The following CRYBG1 variants were observed in gnomAD, a reference collection of about 807,000 sequenced individuals.
CRYBG1 encodes the protein crystallin beta-gamma domain containing 1, also known as beta/gamma crystallin domain-containing protein 1.
In CRYBG1, 139 loss-of-function variants were observed where a neutral mutation model predicts 189.2. That is an observed-to-expected ratio of 0.73 (90% CI 0.64 to 0.85). The LOEUF (loss-of-function observed/expected upper bound fraction) is 0.85, where lower values mean the gene tolerates loss of function less well. Ranked by LOEUF, CRYBG1 falls within the 40% of genes least tolerant of loss-of-function variation. CRYBG1 has a pLI of 0.00. For missense variants in CRYBG1, 2,611 were observed against 2,675.8 expected, an observed-to-expected ratio of 0.98 and a Z score of 0.53; for synonymous variants, 1,023 against 1,017.1, an observed-to-expected ratio of 1.01 and a Z score of -0.11.
chr6:106,425,683 G>A (rs149793310), intron 1 of CRYBG1, among the ~76,000 whole-genome samples: 1,820 of 152,270 alleles, frequency 0.012, 36 homozygotes, highest in African/African-American at 0.041. Flanking sequence ...TCAGGCTGGA[G>A]TGCAATGGCG....
chr6:106,427,343 T>A (rs1771245611), intron 1 of CRYBG1, among the ~76,000 whole-genome samples: 1 of 152,226 alleles, frequency 6.6e-6, no homozygotes. Flanking sequence ...ATTAATTCTC[T>A]CCCAAGACCT....
chr6:106,365,881 T>C (rs1041700096), intron 1 of CRYBG1, among the ~76,000 whole-genome samples: 5 of 152,076 alleles, frequency 3.3e-5, no homozygotes, highest in East Asian at 1.9e-4. Flanking sequence ...AGCATCCTCA[T>C]TGGGCAGGCA....
In CRYBG1 at chr6:106,407,726, A is replaced by G. The variant is rs1292688842; in HGVS notation, c.174-43968A>G. 2.0e-5 allele frequency among the ~76,000 whole-genome samples: 3 copies of G among 152,332 alleles called. No homozygotes were observed. In the East Asian group the frequency reaches 5.8e-4, roughly 29 times the overall value. Reference sequence around the variant, plus strand: ...AACTCAGGATTAAGAAACTCACTCTAAAAAACACAACTACATGGAACCTGA... The same window carrying G: ...AACTCAGGATTAAGAAACTCACTCTGAAAAACACAACTACATGGAACCTGA... On this transcript the variant is annotated intron_variant, in intron 1 of 21. Transcript: ENST00000633556.
Position 106,570,837 on chromosome 6 carries a change from A to G in CRYBG1, c.*2271A>G, listed in dbSNP as rs1775037798. On this transcript the variant is annotated 3_prime_UTR_variant, in exon 22 of 22. Coordinates refer to ENST00000633556, the MANE Select transcript of CRYBG1 (RefSeq NM_001371242.2). ...AAAGCCTACATCTAACATACATGCT[A>G]CCAAACGAGTGTCTAACAGGAATAA... 1 of 152,190 alleles carries G rather than the reference A, an allele frequency of 6.6e-6. No homozygotes were observed. Among genetic ancestry groups the G allele is most frequent in the African/African-American group, 2.4e-5 (1 of 41,460 alleles). 9.4% of individuals were successfully genotyped at this position (152,190 alleles called of 1,614,324 possible). A position where few individuals can be genotyped will look rare whatever the true frequency, so the allele number is the denominator to read the frequency against.
intron 2 of CRYBG1, among the ~76,000 whole-genome samples, chr6:106,473,210 A>G (rs979149040): frequency 5.9e-5 from 9 of 152,152 alleles, no homozygotes; most frequent in African/African-American, 1.7e-4. Flanking sequence ...TAAAACATAC[A>G]CAAAATAGAG....
At chr6:106,470,556 A>G (rs976639111) in intron 2 of CRYBG1, among the ~76,000 whole-genome samples, 1 of 152,120 alleles carries the variant, frequency 6.6e-6, no homozygotes, top group African/African-American at 2.4e-5. Context: ...TGGGTGACAG[A>G]GCAAGGCTTC....
intron 2 of CRYBG1, among the ~76,000 whole-genome samples, chr6:106,467,743 T>C (rs1772142840): frequency 6.6e-6 from 1 of 152,186 alleles, no homozygotes; most frequent in Non-Finnish European, 1.5e-5. Context: ...CATCAAAATT[T>C]ATTTGCCAGC....
chr6:106,516,265 A>G (rs1390169329), intron 3 of CRYBG1, among the ~76,000 whole-genome samples: 6 of 148,458 alleles, frequency 4.0e-5, no homozygotes. Flanking sequence ...ACAGAGTCTC[A>G]CTCTGTCGCC....
chr6:106,564,302 T>C (rs528455091), intron 21 of CRYBG1, among the ~76,000 whole-genome samples: 7 of 152,224 alleles, frequency 4.6e-5, no homozygotes, highest in Admixed American at 4.6e-4. Context: ...ATTATAATAG[T>C]GTTAGGCTAA....
intron 1 of CRYBG1, among the ~76,000 whole-genome samples, chr6:106,429,833 G>T (rs1401731051): frequency 6.6e-6 from 1 of 152,174 alleles, no homozygotes; most frequent in Non-Finnish European, 1.5e-5. Context: ...ACTTAGCACA[G>T]TGCTGGGGCT....
At chr6:106,455,226 A>G (rs1199735881) in intron 2 of CRYBG1, among the ~76,000 whole-genome samples, 1 of 152,182 alleles carries the variant, frequency 6.6e-6, no homozygotes, top group Non-Finnish European at 1.5e-5. Context: ...TCACGAGAGA[A>G]AAGCATAAGA....
intron 1 of CRYBG1, among the ~76,000 whole-genome samples, chr6:106,384,567 A>G (rs1466076577): frequency 6.6e-6 from 1 of 151,828 alleles, no homozygotes; most frequent in African/African-American, 2.4e-5. Context: ...CCGTAATCTC[A>G]TTTTGCTTGC....
rs556837631 is a variant in CRYBG1, at chr6:106,470,043, G to A, written c.312+18211G>A. ...CCAGGCCAAGTCCTGACTTTTCCTCGGGGACAGGGCGCTTCCCTCCTCCCT... is the reference window on the plus strand; with the variant it reads ...CCAGGCCAAGTCCTGACTTTTCCTCAGGGACAGGGCGCTTCCCTCCTCCCT... On this transcript the variant is annotated intron_variant, in intron 2 of 21. Transcript: ENST00000633556. Among the ~76,000 whole-genome samples, 20 of 152,286 alleles carry A rather than the reference G, an allele frequency of 1.3e-4. No individual in the cohort carries two copies. The South Asian group carries it at 2.1e-3, about 16-fold the overall frequency.
In CRYBG1 at chr6:106,436,229, G is replaced by C. The variant is rs559604810; in HGVS notation, c.174-15465G>C. Among the ~76,000 whole-genome samples the C allele has an allele frequency of 4.6e-5, 7 of 151,598 alleles. No homozygotes were observed. In the East Asian group the frequency reaches 1.4e-3, roughly 29 times the overall value. ...TGATCCAACTAGCCAGAGAATTCCT[G>C]TTCAGATTTTAGTGTATTTCCTTTC... On this transcript the variant is annotated intron_variant, in intron 1 of 21. Transcript: ENST00000633556.
At chr6:106,526,996 C>T (rs1303612525) in intron 6 of CRYBG1, among the ~76,000 whole-genome samples, 1 of 148,760 alleles carries the variant, frequency 6.7e-6, no homozygotes, top group Admixed American at 6.7e-5. Context: ...AGTAAACATC[C>T]ATTTATCTGA....
intron 2 of CRYBG1, among the ~76,000 whole-genome samples, chr6:106,499,285 T>C (rs1772943556): frequency 6.6e-6 from 1 of 150,896 alleles, no homozygotes; most frequent in Admixed American, 6.6e-5. Context: ...CCCAAGTAGC[T>C]GGGATTACAG....
intron 1 of CRYBG1, among the ~76,000 whole-genome samples, chr6:106,396,381 T>C (rs534730825): frequency 4.2e-4 from 64 of 152,322 alleles, no homozygotes; most frequent in African/African-American, 1.5e-3. Context: ...TTCATAAACA[T>C]CATGAATTAC....
At chr6:106,465,446 C>T (rs915844269) in intron 2 of CRYBG1, among the ~76,000 whole-genome samples, 11 of 152,160 alleles carry the variant, frequency 7.2e-5, no homozygotes, top group Non-Finnish European at 1.6e-4. Context: ...CTAGGCATTC[C>T]TTTGAGGTAC....
rs538399282 is a variant in CRYBG1 at position 106,495,450 on chromosome 6, A to G, written c.313-15980A>G. ...CTGAAGTTTTTCCTTTTCATTGCCT[A>G]AGACTTTGTTTTGGACTTATATAGT... On this transcript the variant is annotated intron_variant, in intron 2 of 21. Transcript: ENST00000633556. Among the ~76,000 whole-genome samples, 22 of 152,270 alleles carry G rather than the reference A, an allele frequency of 1.4e-4. No individual in the cohort carries two copies. In the South Asian group the frequency reaches 4.4e-3, roughly 30 times the overall value.
Sources: allele counts gnomAD v4.1 joint callset (sites outside exome capture counted in the v4.1 genomes callset), GRCh38; gene constraint gnomAD v4.1.1; transcripts MANE v1.5; gene names NCBI Gene and HGNC (gene_info 2026-07-23, HGNC 2026-07-21).